The following DNMBP variants were observed in gnomAD, a reference collection of about 807,000 sequenced individuals.
The protein encoded by DNMBP is dynamin binding protein.
DNMBP carries 87 observed loss-of-function variants against 150.0 expected under a neutral mutation model. The ratio of observed to expected loss-of-function variants is 0.58; its 90% CI spans 0.49 to 0.69. The LOEUF (loss-of-function observed/expected upper bound fraction) is 0.69. Ranked by LOEUF, DNMBP falls within the 30% of genes least tolerant of loss-of-function variation. The probability of loss-of-function intolerance (pLI) is 0.00; values close to 1 mark genes in which losing one functional copy is unlikely to be tolerated. For synonymous variants in DNMBP, 711 were observed against 750.4 expected (o/e 0.95, Z 0.86); for missense variants, 1,774 against 1,949.0 (o/e 0.91, Z 1.69).
intron 3 of DNMBP, among the ~76,000 whole-genome samples, chr10:99,966,249 G>C (rs1276396699): frequency 6.6e-6 from 1 of 152,156 alleles, no homozygotes; most frequent in Non-Finnish European, 1.5e-5. Context: ...GATTATCACA[G>C]AGAGGAGAAC....
rs146248860 is a variant in DNMBP, at chr10:99,877,205, G to T, written c.4680C>A (p.Asn1560Lys). ...GNTEWWLAEV[N>K]GKKGYVPSNY... ...TGGAGGGAACGTAGCCCTTCTTCCC[G>T]TTAACCTCAGCTAACCACCACTCTG... The change falls in exon 17 of 17, where the codon AAC (asparagine) becomes AAA (lysine). Residue 1560 changes from asparagine (N) to lysine (K), a missense_variant. Asn to Lys is a moderately conservative substitution (Grantham distance 94, BLOSUM62 0). This residue lies in a region of DNMBP where 1,430 missense variants were observed against 1,492.5 expected (regional missense o/e 0.96). Transcript: ENST00000324109. 159 of 1,613,742 alleles carry T rather than the reference G, an allele frequency of 9.9e-5. 1 individual carries two copies. Among genetic ancestry groups the T allele is most frequent in the Admixed American group, 2.5e-4 (15 of 59,950 alleles).
intron 4 of DNMBP, among the ~76,000 whole-genome samples, chr10:99,923,776 C>CT (rs2040048406): frequency 6.6e-6 from 1 of 152,088 alleles, no homozygotes. Flanking sequence ...TTGCTTCTCT[C>CT]TGCCTATCCC....
At position 99,888,815 on chromosome 10, in the gene DNMBP, A is replaced by C. The variant is rs1466286300; in HGVS notation, c.3285+10T>G. The C allele has an allele frequency of 1.9e-6, 3 of 1,613,622 alleles. No homozygotes were observed. Among genetic ancestry groups the C allele is most frequent in the Admixed American group, 1.7e-5 (1 of 59,928 alleles). On this transcript the variant is annotated intron_variant, in intron 12 of 16. Coordinates refer to ENST00000324109, the MANE Select transcript of DNMBP (RefSeq NM_015221.4). Reference sequence around the variant, plus strand: ...GAAGGGGGCCAACTTTTGAAGAAAAAGTTACTTACAAAGTTTGTGAAGAGC... The same window carrying C: ...GAAGGGGGCCAACTTTTGAAGAAAACGTTACTTACAAAGTTTGTGAAGAGC...
In DNMBP at chr10:99,901,731, C is replaced by T. The variant is rs11190311; in HGVS notation, c.2555-1665G>A. On this transcript the variant is annotated intron_variant, in intron 6 of 16. Coordinates refer to ENST00000324109, the MANE Select transcript of DNMBP (RefSeq NM_015221.4). ...TGTTCCACAAAAAAGAGCTCTCATC[C>T]TTGTTCTCCTCCCTCCAATATGATA... 0.024 allele frequency among the ~76,000 whole-genome samples: 3,607 copies of T among 152,002 alleles called. 299 individuals carry two copies. In the East Asian group the frequency reaches 0.31, roughly 13 times the overall value.
chr10:99,968,599 G>T (rs1439327521), intron 3 of DNMBP, among the ~76,000 whole-genome samples: 8 of 151,400 alleles, frequency 5.3e-5, no homozygotes, highest in Non-Finnish European at 7.4e-5. Flanking sequence ...GAGGTGGGAG[G>T]ACTGCTTGAG....
chr10:99,945,133 C>T (rs1198993660), intron 4 of DNMBP, among the ~76,000 whole-genome samples: 1 of 152,058 alleles, frequency 6.6e-6, no homozygotes, highest in East Asian at 1.9e-4. Flanking sequence ...AATTCCTTCT[C>T]AGCATTTCTT....
chr10:99,958,965 G>A (rs1013185785), intron 3 of DNMBP, among the ~76,000 whole-genome samples: 2 of 152,308 alleles, frequency 1.3e-5, no homozygotes, highest in African/African-American at 4.8e-5. Flanking sequence ...TATTTGAAAA[G>A]ACTATTAAAA....
intron 5 of DNMBP, 46 bp from the exon 6 acceptor site, chr10:99,908,140 A>G (rs115746989): frequency 3.6e-4 from 494 of 1,363,162 alleles, no homozygotes; most frequent in Non-Finnish European, 3.7e-4. Flanking sequence ...AATGAGCTTA[A>G]TGGCATTTCA....
chr10:99,884,865 C>T (rs2133198777), intron 14 of DNMBP, among the ~76,000 whole-genome samples: 1 of 152,218 alleles, frequency 6.6e-6, no homozygotes, highest in South Asian at 2.1e-4. Context: ...GATCAGACCA[C>T]TGCATTCCAG....
At chr10:100,008,545 TGA>T (rs2041099709) in intron 1 of DNMBP, among the ~76,000 whole-genome samples, 1 of 152,226 alleles carries the variant, frequency 6.6e-6, no homozygotes, top group South Asian at 2.1e-4. Context: ...ATAAAGTGAC[TGA>T]GAGAGCTGAG....
intron 3 of DNMBP, among the ~76,000 whole-genome samples, chr10:99,958,758 T>C (rs941584880): frequency 2.0e-5 from 3 of 152,262 alleles, no homozygotes; most frequent in Non-Finnish European, 4.4e-5. Context: ...CAATATTTCC[T>C]AAATGACAAA....
chr10:99,954,195 GC>G (rs1181263352), intron 4 of DNMBP, among the ~76,000 whole-genome samples: 3 of 151,888 alleles, frequency 2.0e-5, no homozygotes, highest in Non-Finnish European at 2.9e-5. Context: ...ACCACTCCTG[GC>G]TAATTATTTT....
At position 99,877,069 on chromosome 10, in the gene DNMBP, C is replaced by T; in HGVS notation, c.*82G>A. 1 of 1,293,834 alleles carries T rather than the reference C, an allele frequency of 7.7e-7. No homozygotes were observed. The highest frequency in any genetic ancestry group is 1.1e-6 in the Non-Finnish European group (1 of 931,018). The allele number at this position is 1,293,834 out of a possible 1,614,324, so 80.1% of individuals were successfully genotyped here. A position where few individuals can be genotyped will look rare whatever the true frequency, so the allele number is the denominator to read the frequency against. ...GCAGACAGGGCCTGTGTCTCAGGAGCAGGCGCCCTCTCGGTGGGCCGCCAG... is the reference window on the plus strand; with the variant it reads ...GCAGACAGGGCCTGTGTCTCAGGAGTAGGCGCCCTCTCGGTGGGCCGCCAG... On this transcript the variant is annotated 3_prime_UTR_variant, in exon 17 of 17. Transcript: ENST00000324109.
chr10:99,933,366 T>C (rs1237679282), intron 4 of DNMBP, among the ~76,000 whole-genome samples: 1 of 152,166 alleles, frequency 6.6e-6, no homozygotes, highest in East Asian at 1.9e-4. Flanking sequence ...TAAAGTACTT[T>C]CCAGGTTCTA....
At chr10:99,924,916 G>A (rs985065445) in intron 4 of DNMBP, among the ~76,000 whole-genome samples, 4 of 152,156 alleles carry the variant, frequency 2.6e-5, no homozygotes, top group South Asian at 2.1e-4. Context: ...AGCAATTACT[G>A]TCCCAACTTT....
At chr10:99,976,319 TC>T (rs796220867) in intron 1 of DNMBP, among the ~76,000 whole-genome samples, 25 of 152,338 alleles carry the variant, frequency 1.6e-4, no homozygotes, top group African/African-American at 5.8e-4. Context: ...ACTCCAGACT[TC>T]CCTGACTTCT....
In DNMBP at chr10:99,884,078, G is replaced by A; in HGVS notation, c.3930C>T (p.Asp1310=). Residue 1310 remains aspartate (D), a synonymous_variant, in exon 15 of 17, where the codon GAC becomes GAT. Transcript: ENST00000324109. The stretch of plus-strand genomic sequence containing the variant: ...CTTTTTTCTTAATCACACCCACCAG[G>A]TCACCTTCCAAAAGTGAGACATCCA... ...QDLDVSLLEG[D]LVGVIKKKDP... is the part of the protein sequence containing the mutation. The A allele has an allele frequency of 6.2e-7, 1 of 1,613,996 alleles. No homozygotes were observed. The highest frequency in any genetic ancestry group is 8.5e-7 in the Non-Finnish European group (1 of 1,179,998).
chr10:99,940,972 C>T (rs2040291724), intron 4 of DNMBP, among the ~76,000 whole-genome samples: 1 of 152,164 alleles, frequency 6.6e-6, no homozygotes, highest in Non-Finnish European at 1.5e-5. Context: ...GCAACCTCCA[C>T]CTCCCATGTT....
chr10:99,909,160 G>C lies in DNMBP; in HGVS notation c.2261-14C>G. On this transcript the variant is annotated splice_polypyrimidine_tract_variant and intron_variant, in intron 4 of 16. Coordinates refer to ENST00000324109, the MANE Select transcript of DNMBP (RefSeq NM_015221.4). ...GGAGCGTCATTTCTAGAAGGGAAAA[G>C]AGAACTGGTTAGCAGCTCTGGGTGT... 1.2e-6 allele frequency: 2 copies of C among 1,609,232 alleles called. No individual in the cohort carries two copies. Among genetic ancestry groups the C allele is most frequent in the Non-Finnish European group, 1.7e-6 (2 of 1,177,726 alleles).
Sources: gnomAD v4.1 joint callset for allele counts (sites outside exome capture counted in the v4.1 genomes callset) on GRCh38, gnomAD v4.1.1 for gene constraint, gnomAD v4.1.1 regional missense constraint, MANE v1.5 for transcripts, NCBI Gene and HGNC (gene_info 2026-07-23, HGNC 2026-07-21) for gene names.